Variants in C5orf34 observed in about 807,000 individuals in gnomAD.
The protein encoded by C5orf34 is uncharacterized protein C5orf34.
C5orf34 carries 73 observed loss-of-function variants against 78.4 expected under a neutral mutation model. That is an observed-to-expected ratio of 0.93 (90% CI 0.77 to 1.13). The LOEUF (loss-of-function observed/expected upper bound fraction) is 1.13, where lower values mean the gene tolerates loss of function less well. Among genes scored for constraint, C5orf34 ranks in the 50% most tolerant of loss-of-function variants. The pLI is 0.00. For synonymous variants in C5orf34, 251 were observed against 246.6 expected, an observed-to-expected ratio of 1.02 and a Z score of -0.17; for missense variants, 730 against 732.7, an observed-to-expected ratio of 1.00 and a Z score of 0.04.
chr5:43,495,349 G>A (rs1745459060), intron 6 of C5orf34: 6 of 1,611,668 alleles, frequency 3.7e-6, no homozygotes, highest in Non-Finnish European at 5.1e-6. Context: ...CAGCAAACTT[G>A]CATGCAATGT....
At chr5:43,488,182 A>G (rs1196798469) in intron 11 of C5orf34, 1 of 505,700 alleles carries the variant, frequency 2.0e-6, no homozygotes, top group Non-Finnish European at 3.5e-6. Context: ...ATCCACTTCA[A>G]GGAATTTGTA....
chr5:43,513,520 T>G (rs1385225963), intron 1 of C5orf34, among the ~76,000 whole-genome samples: 1 of 152,196 alleles, frequency 6.6e-6, no homozygotes, highest in East Asian at 1.9e-4. Context: ...TACCTTCCAT[T>G]TCTACTTAAA....
chr5:43,511,168 C>T, intron 1 of C5orf34: 1 of 175,782 alleles, frequency 5.7e-6, no homozygotes, highest in Non-Finnish European at 1.2e-5. Context: ...TGCCTGGCAG[C>T]CGCCCTGTCT....
intron 11 of C5orf34, chr5:43,488,154 A>G (rs1745136714): frequency 1.8e-6 from 1 of 559,732 alleles, no homozygotes; most frequent in South Asian, 2.4e-5. Context: ...TAAGTGAATA[A>G]AAGTCTACCC....
At chr5:43,513,107 C>G (rs769578665) in intron 1 of C5orf34, among the ~76,000 whole-genome samples, 2 of 152,060 alleles carry the variant, frequency 1.3e-5, no homozygotes, top group South Asian at 2.1e-4. Context: ...TAACCTTACC[C>G]CCTTTAATGT....
intron 6 of C5orf34, chr5:43,496,514 A>G (rs562783121): frequency 1.5e-4 from 191 of 1,295,496 alleles, no homozygotes; most frequent in Admixed American, 5.5e-4. Context: ...CCATTGTGGG[A>G]AAAAAAAGCC....
chr5:43,488,616 A>AT (rs1745152180), intron 11 of C5orf34, among the ~76,000 whole-genome samples: 1 of 152,028 alleles, frequency 6.6e-6, no homozygotes, highest in Non-Finnish European at 1.5e-5. Context: ...TACTTATTTC[A>AT]TTGTTTTTTT....
chr5:43,493,631 C>A lies in C5orf34; in HGVS notation c.1245-19G>T. 1 of 1,464,390 alleles carries A rather than the reference C, an allele frequency of 6.8e-7. No homozygotes were observed. The highest frequency in any genetic ancestry group is 1.4e-5 in the African/African-American group (1 of 70,182). 90.7% of individuals were successfully genotyped at this position (1,464,390 alleles called of 1,614,324 possible). On this transcript the variant is annotated intron_variant, in intron 7 of 12. Transcript: ENST00000306862. ...AAGAATTCTGTGAACACAAAAAATACTACTTAAACATTTGCAAATGACATT... is the reference window on the plus strand; with the variant it reads ...AAGAATTCTGTGAACACAAAAAATAATACTTAAACATTTGCAAATGACATT...
chr5:43,500,198 A>G (rs1272874839), intron 6 of C5orf34, among the ~76,000 whole-genome samples: 2 of 152,216 alleles, frequency 1.3e-5, no homozygotes, highest in Admixed American at 6.5e-5. Flanking sequence ...CCCTGATGCA[A>G]GTAGTAAAGT....
At chr5:43,492,446 G>T in intron 9 of C5orf34, 137 bp from the exon 10 acceptor site, 1 of 648,602 alleles carries the variant, frequency 1.5e-6, no homozygotes, top group Non-Finnish European at 2.7e-6. Flanking sequence ...TTGTTTACAT[G>T]AGATATGGGT....
intron 12 of C5orf34, among the ~76,000 whole-genome samples, chr5:43,487,472 AG>A (rs1745111278): frequency 6.6e-6 from 1 of 152,188 alleles, no homozygotes; most frequent in African/African-American, 2.4e-5. Flanking sequence ...TAATTTAAAA[AG>A]ATTTAGAGTG....
At chr5:43,510,396 T>C (rs1207077464) in intron 1 of C5orf34, among the ~76,000 whole-genome samples, 2 of 152,216 alleles carry the variant, frequency 1.3e-5, no homozygotes, top group African/African-American at 4.8e-5. Flanking sequence ...CATACAGCAG[T>C]GACAGAAGGG....
In C5orf34 at chr5:43,502,444, A is replaced by C; in HGVS notation, c.1080T>G (p.Ser360=). 1.3e-6 allele frequency: 2 copies of C among 1,587,444 alleles called. No individual in the cohort carries two copies. The highest frequency in any genetic ancestry group is 2.2e-5 in the South Asian group (2 of 90,176). The change falls in exon 6 of 13, where the codon TCT becomes TCG. Residue 360 remains serine (S), a synonymous_variant. Transcript: ENST00000306862. ...AATAAGCCCCTTCTGATTTGAAAAC[A>C]GATCCATCCCCAGAATAAATCTCTA... ...NSIEIYSGDG[S]VFKSEGAYFG...
intron 12 of C5orf34, 50 bp from the exon 13 acceptor site, chr5:43,487,161 T>G: frequency 9.6e-6 from 8 of 831,194 alleles, no homozygotes; most frequent in Non-Finnish European, 1.3e-5. Context: ...ACTATATAAA[T>G]ATCTTTATAT....
rs564658256 is a variant in C5orf34, at chr5:43,494,554, C to T, written c.1200G>A (p.Pro400=). The change falls in exon 7 of 13, where the codon CCG becomes CCA. Residue 400 remains proline, a synonymous_variant. Transcript: ENST00000306862. Reference sequence around the variant, plus strand: ...GAGAACCGACAGTGAATGGACTTCCCGGTCTATCTGGAGGAAGGTTATTTA... The same window carrying T: ...GAGAACCGACAGTGAATGGACTTCCTGGTCTATCTGGAGGAAGGTTATTTA... The part of the protein sequence containing the change: ...YSVNNLPPDR[P]GSPFTVGSLI... 5.0e-5 allele frequency: 81 copies of T among 1,608,162 alleles called. No homozygotes were observed. In the East Asian group the frequency reaches 1.2e-3, roughly 24 times the overall value.
At chr5:43,495,218 A>G (rs1217938013) in intron 6 of C5orf34, 1 of 1,610,332 alleles carries the variant, frequency 6.2e-7, no homozygotes, top group African/African-American at 1.3e-5. Flanking sequence ...ATAGTCTGAG[A>G]AGCTCTCAAC....
intron 11 of C5orf34, among the ~76,000 whole-genome samples, chr5:43,489,943 C>T (rs1343804958): frequency 1.3e-5 from 2 of 152,066 alleles, no homozygotes; most frequent in African/African-American, 2.4e-5. Context: ...CTTTCTAATT[C>T]CATCAGGTCT....
rs773045303 is a variant in C5orf34 at position 43,494,544 on chromosome 5, A to G, written c.1210T>C (p.Phe404Leu). 3.1e-6 allele frequency: 5 copies of G among 1,608,422 alleles called. No homozygotes were observed. Among genetic ancestry groups the G allele is most frequent in the East Asian group, 4.5e-5 (2 of 44,734 alleles). Residue 404 changes from phenylalanine to leucine, a missense_variant, in exon 7 of 13, where the codon TTC (phenylalanine) becomes CTC (leucine). Coordinates refer to ENST00000306862, the MANE Select transcript of C5orf34 (RefSeq NM_198566.4). The part of the protein sequence containing the change: ...NLPPDRPGSP[F>L]TVGSLIKQAT... ...TGTTTAATTAGAGAACCGACAGTGAATGGACTTCCCGGTCTATCTGGAGGA... is the reference window on the plus strand; with the variant it reads ...TGTTTAATTAGAGAACCGACAGTGAGTGGACTTCCCGGTCTATCTGGAGGA...
At chr5:43,490,979 AAAT>A (rs1310711677) in intron 10 of C5orf34, among the ~76,000 whole-genome samples, 1 of 152,168 alleles carries the variant, frequency 6.6e-6, no homozygotes, top group East Asian at 1.9e-4. Context: ...TTAAGAATCA[AAAT>A]AAAGGCGATA....
Sources: allele counts gnomAD v4.1 joint callset (sites outside exome capture counted in the v4.1 genomes callset), GRCh38; gene constraint gnomAD v4.1.1; transcripts MANE v1.5; gene names NCBI Gene and HGNC (gene_info 2026-07-23, HGNC 2026-07-21).